The following APOO variants were observed in gnomAD, a reference collection of about 807,000 sequenced individuals.
APOO encodes the protein MICOS complex subunit MIC26.
A neutral mutation model predicts 23.1 loss-of-function variants in APOO; 11 were observed. The ratio of observed to expected loss-of-function variants is 0.48; its 90% confidence interval spans 0.30 to 0.79. The LOEUF is 0.79. Among genes scored for constraint, APOO ranks in the 30% least tolerant of loss-of-function variants. The pLI is 0.07. For synonymous variants in APOO, 59 were observed against 54.8 expected (o/e 1.08, Z -0.34); for missense variants, 160 against 142.7 (o/e 1.12, Z -0.62).
chrX:23,886,474 T>G (rs1282000280), intron 1 of APOO, among the ~76,000 whole-genome samples: 1 of 111,681 alleles, frequency 9.0e-6, no homozygotes, highest in Non-Finnish European at 1.9e-5. Context: ...TTTCACTCTA[T>G]GTAAATTAGA....
chrX:23,868,309 G>C (rs188380822), intron 5 of APOO, among the ~76,000 whole-genome samples: 34 of 111,998 alleles, frequency 3.0e-4, no homozygotes, highest in African/African-American at 1.0e-3. Flanking sequence ...TGATTTCTCA[G>C]GTGTGAAAGA....
chrX:23,839,145 T>A (rs1331627029), intron 8 of APOO, among the ~76,000 whole-genome samples: 1 of 111,701 alleles, frequency 9.0e-6, no homozygotes, highest in African/African-American at 3.3e-5. Context: ...TTTACCAAGC[T>A]CCCCGGGTAA....
At chrX:23,880,173 T>A (rs895008521) in intron 2 of APOO, among the ~76,000 whole-genome samples, 2 of 110,146 alleles carry the variant, frequency 1.8e-5, no homozygotes, top group Non-Finnish European at 3.8e-5. Flanking sequence ...AAAATGTGAA[T>A]ATATTCTTGG....
intron 7 of APOO, among the ~76,000 whole-genome samples, chrX:23,854,258 T>G (rs1187281628): frequency 2.7e-5 from 3 of 111,922 alleles, no homozygotes; most frequent in Non-Finnish European, 5.6e-5. Flanking sequence ...GAATGCTGTT[T>G]CCAAGCCAGA....
At chrX:23,874,179 T>C (rs986873305) in intron 4 of APOO, among the ~76,000 whole-genome samples, 1 of 111,533 alleles carries the variant, frequency 9.0e-6, no homozygotes, top group African/African-American at 3.3e-5. Context: ...AGCCCAAGAA[T>C]CCTAACGATC....
At chrX:23,845,052 G>A (rs757099816) in intron 7 of APOO, among the ~76,000 whole-genome samples, 6 of 111,786 alleles carry the variant, frequency 5.4e-5, no homozygotes, top group Admixed American at 1.9e-4. Context: ...TTCAGGGCTA[G>A]TAAGAGGCAG....
At chrX:23,872,878 C>T (rs1304711602) in intron 4 of APOO, among the ~76,000 whole-genome samples, 4 of 109,058 alleles carry the variant, frequency 3.7e-5, no homozygotes, top group South Asian at 7.8e-4. Context: ...TGGTGAAACC[C>T]GTCTCTACTA....
intron 7 of APOO, 144 bp downstream of exon 7, chrX:23,856,158 T>C (rs769505671): frequency 1.7e-4 from 97 of 578,675 alleles, no homozygotes; most frequent in Non-Finnish European, 2.5e-5. Context: ...CCAAGAAAGG[T>C]CACCTGAAAA....
At position 23,888,934 on chromosome X, in the gene APOO, G is replaced by A. The variant is rs186583005; in HGVS notation, c.10-7982C>T. ...GTGGGAGGATCACTTGAGGCCAGAA[G>A]TTTAAGACCAGCCTGGGCAACATAA... On this transcript the variant is annotated intron_variant, in intron 1 of 8. Coordinates refer to ENST00000379226, the MANE Select transcript of APOO (RefSeq NM_024122.5). Among the ~76,000 whole-genome samples, 88 of 98,263 alleles carry A rather than the reference G, an allele frequency of 9.0e-4. No individual in the cohort carries two copies. In the East Asian group the frequency reaches 0.027, roughly 30 times the overall value. The allele number at this position is 98,263 out of a possible 115,157, so 85.3% of individuals were successfully genotyped here.
intron 7 of APOO, among the ~76,000 whole-genome samples, chrX:23,854,367 G>A (rs1414119953): frequency 8.9e-6 from 1 of 112,257 alleles, no homozygotes; most frequent in Non-Finnish European, 1.9e-5. Flanking sequence ...CTCTGGCTTT[G>A]GTGTGCTTCA....
chrX:23,874,111 T>G (rs1221354314), intron 4 of APOO, among the ~76,000 whole-genome samples: 1 of 111,986 alleles, frequency 8.9e-6, no homozygotes, highest in Non-Finnish European at 1.9e-5. Context: ...GTATGGTGTA[T>G]TACGCTGCAC....
At chrX:23,850,209 TAGTGAATCTA>T (rs1253951644) in intron 7 of APOO, among the ~76,000 whole-genome samples, 1 of 112,443 alleles carries the variant, frequency 8.9e-6, no homozygotes, top group Non-Finnish European at 1.9e-5. Context: ...CAGCAAATGT[TAGTGAATCTA>T]AGTGAAGGGT....
At chrX:23,875,016 G>A (rs367974906) in intron 3 of APOO, among the ~76,000 whole-genome samples, 10 of 111,523 alleles carry the variant, frequency 9.0e-5, no homozygotes, top group East Asian at 5.6e-4. Context: ...TTGGGAGGCC[G>A]AGTGGGGCAG....
intron 4 of APOO, among the ~76,000 whole-genome samples, chrX:23,870,042 A>G (rs772352293): frequency 1.0e-3 from 114 of 112,068 alleles, no homozygotes; most frequent in Non-Finnish European, 1.7e-3. Flanking sequence ...ACAGAAGAAC[A>G]GAATAAATTT....
chrX:23,860,188 G>A (rs761041201), intron 5 of APOO, among the ~76,000 whole-genome samples: 8 of 110,941 alleles, frequency 7.2e-5, no homozygotes, highest in East Asian at 5.7e-4. Context: ...GTCCCAGGCA[G>A]CCCCAGGGAG....
intron 1 of APOO, among the ~76,000 whole-genome samples, chrX:23,893,320 T>C (rs1474805857): frequency 1.9e-5 from 2 of 107,189 alleles, no homozygotes; most frequent in Non-Finnish European, 3.8e-5. Flanking sequence ...TAGTCCCAGA[T>C]ACTCAGGAGG....
rs1927446376 is a variant in APOO, at chrX:23,907,875, C to T, written c.-173G>A. The T allele has an allele frequency of 1.9e-6, 1 of 518,290 alleles. No homozygotes were observed. Among genetic ancestry groups the T allele is most frequent in the Non-Finnish European group, 2.9e-6 (1 of 347,191 alleles). The allele number at this position is 518,290 out of a possible 1,213,427, so 42.7% of individuals were successfully genotyped here. On this transcript the variant is annotated 5_prime_UTR_variant, in exon 1 of 9. Coordinates refer to ENST00000379226, the MANE Select transcript of APOO (RefSeq NM_024122.5). ...GCGGCGAAGGTTTAGTTCAATCACCCGGTTCTAGAAGCCGCGTCGCTGAGC... is the reference window on the plus strand; with the variant it reads ...GCGGCGAAGGTTTAGTTCAATCACCTGGTTCTAGAAGCCGCGTCGCTGAGC...
At chrX:23,855,665 G>A (rs889135978) in intron 7 of APOO, among the ~76,000 whole-genome samples, 1 of 111,479 alleles carries the variant, frequency 9.0e-6, no homozygotes, top group Admixed American at 9.7e-5. Flanking sequence ...GGAAGGGAAT[G>A]TTCCAAGCGA....
At chrX:23,867,552 T>TC (rs1483349585) in intron 5 of APOO, among the ~76,000 whole-genome samples, 11 of 111,698 alleles carry the variant, frequency 9.8e-5, no homozygotes, top group African/African-American at 3.6e-4. Context: ...CCTCTTTTTT[T>TC]TTTCTTTTGA....
Sources: gnomAD v4.1 joint callset for allele counts (sites outside exome capture counted in the v4.1 genomes callset) on GRCh38, gnomAD v4.1.1 for gene constraint, MANE v1.5 for transcripts, NCBI Gene and HGNC (gene_info 2026-07-23, HGNC 2026-07-21) for gene names.